LNPEP: variants seen among roughly 807,000 people sequenced by gnomAD.
LNPEP encodes the protein leucyl and cystinyl aminopeptidase.
In LNPEP, 64 loss-of-function variants were observed where a neutral mutation model predicts 120.6. The observed-to-expected ratio is 0.53, with a 90% CI of 0.43 to 0.65. The LOEUF (loss-of-function observed/expected upper bound fraction) is 0.65. Among genes scored for constraint, LNPEP ranks in the 30% least tolerant of loss-of-function variants. LNPEP has a pLI of 0.00. For missense variants in LNPEP, 1,057 were observed against 1,200.0 expected, an observed-to-expected ratio of 0.88 and a Z score of 1.76; for synonymous variants, 435 against 425.4, an observed-to-expected ratio of 1.02 and a Z score of -0.28.
intron 1 of LNPEP, among the ~76,000 whole-genome samples, chr5:96,976,553 A>AAT (rs1790000639): frequency 6.6e-6 from 1 of 152,144 alleles, no homozygotes; most frequent in Non-Finnish European, 1.5e-5. Context: ...GAGAGATTGG[A>AAT]ATGCTCTAAA....
intron 1 of LNPEP, among the ~76,000 whole-genome samples, chr5:96,940,543 G>A (rs1789026894): frequency 6.6e-6 from 1 of 151,882 alleles, no homozygotes; most frequent in Admixed American, 6.6e-5. Context: ...TATGAAATAT[G>A]GAAACACAGA....
Position 97,029,814 on chromosome 5 carries a change from G to A in LNPEP, c.*1281G>A, listed in dbSNP as rs182826867. 35 of 152,244 alleles carry A rather than the reference G, an allele frequency of 2.3e-4. No homozygotes were observed. The highest frequency in any genetic ancestry group is 3.4e-3 in the Middle Eastern group (1 of 294). The allele number at this position is 152,244 out of a possible 1,614,324, so 9.4% of individuals were successfully genotyped here. On this transcript the variant is annotated 3_prime_UTR_variant, in exon 18 of 18. Coordinates refer to ENST00000231368, the MANE Select transcript of LNPEP (RefSeq NM_005575.3). ...AGAAGAAAAATGAGGGAGGATGTCC[G>A]AAACTGTATGGCATTTTACTCCTTC...
At chr5:96,982,500 T>C (rs1024434060) in intron 2 of LNPEP, among the ~76,000 whole-genome samples, 4 of 152,200 alleles carry the variant, frequency 2.6e-5, no homozygotes, top group African/African-American at 7.2e-5. Context: ...TTAACAACAG[T>C]TTAAGGCTTT....
At chr5:96,949,867 T>G (rs933348636) in intron 1 of LNPEP, among the ~76,000 whole-genome samples, 32 of 151,796 alleles carry the variant, frequency 2.1e-4, no homozygotes, top group South Asian at 4.1e-4. Flanking sequence ...TTAACAGTTT[T>G]GTTTGGACTC....
At chr5:97,027,243 C>G (rs868054589) in intron 16 of LNPEP, among the ~76,000 whole-genome samples, 1 of 151,790 alleles carries the variant, frequency 6.6e-6, no homozygotes, top group Non-Finnish European at 1.5e-5. Flanking sequence ...GTCCCAGCTA[C>G]TTGGGAGGCT....
At chr5:96,936,196 C>G in intron 1 of LNPEP, 22 bp downstream of exon 1, 1 of 1,433,052 alleles carries the variant, frequency 7.0e-7, no homozygotes, top group South Asian at 1.4e-5. Flanking sequence ...GCCGAGGCGC[C>G]GGGACCCGGG....
At chr5:96,972,413 A>G (rs1789888625) in intron 1 of LNPEP, among the ~76,000 whole-genome samples, 1 of 151,964 alleles carries the variant, frequency 6.6e-6, no homozygotes, top group African/African-American at 2.4e-5. Flanking sequence ...ACCTGCCACT[A>G]CTTCCCTGCA....
rs115637751 is a variant in LNPEP at position 96,975,189 on chromosome 5, A to G, written c.20-3949A>G. Among the ~76,000 whole-genome samples the G allele has an allele frequency of 7.4e-3, 1,129 of 152,298 alleles. 4 individuals carry two copies. Among genetic ancestry groups the G allele is most frequent in the Non-Finnish European group, 0.012 (817 of 68,010 alleles). On this transcript the variant is annotated intron_variant, in intron 1 of 17. Coordinates refer to ENST00000231368, the MANE Select transcript of LNPEP (RefSeq NM_005575.3). ...AGGATTTTAACGTCTACCTAAAATC[A>G]GGCCTTTAACTCTATTAATCAAACA...
At chr5:96,973,572 T>C (rs1274259997) in intron 1 of LNPEP, among the ~76,000 whole-genome samples, 1 of 152,144 alleles carries the variant, frequency 6.6e-6, no homozygotes, top group African/African-American at 2.4e-5. Context: ...TTATATAGCA[T>C]TTACAATGGA....
intron 1 of LNPEP, among the ~76,000 whole-genome samples, chr5:96,961,173 T>G (rs932691069): frequency 3.3e-5 from 5 of 152,050 alleles, no homozygotes. Context: ...GGATTCACCT[T>G]TCAAAAACAA....
intron 2 of LNPEP, among the ~76,000 whole-genome samples, chr5:96,982,045 T>G (rs1158969862): frequency 6.6e-6 from 1 of 152,182 alleles, no homozygotes; most frequent in African/African-American, 2.4e-5. Flanking sequence ...CTTACGTGTT[T>G]AGTCTTTTAT....
chr5:96,966,852 C>T (rs1383557177), intron 1 of LNPEP, among the ~76,000 whole-genome samples: 1 of 152,072 alleles, frequency 6.6e-6, no homozygotes, highest in South Asian at 2.1e-4. Context: ...CTTTAAGATT[C>T]ATTAGCATAA....
At chr5:96,944,473 C>T (rs1295119169) in intron 1 of LNPEP, among the ~76,000 whole-genome samples, 1 of 149,096 alleles carries the variant, frequency 6.7e-6, no homozygotes, top group African/African-American at 2.5e-5. Context: ...TTGGCTCAGT[C>T]TGGAAAGGGG....
intron 11 of LNPEP, chr5:97,010,888 C>G: frequency 4.1e-6 from 4 of 985,212 alleles, no homozygotes; most frequent in Non-Finnish European, 4.8e-6. Context: ...CATTCTGGAT[C>G]ATTCAGAAGA....
Position 97,003,498 on chromosome 5 carries a change from C to G in LNPEP, c.1737C>G (p.His579Gln). 1 of 1,604,478 alleles carries G rather than the reference C, an allele frequency of 6.2e-7. No individual in the cohort carries two copies. Among genetic ancestry groups the G allele is most frequent in the Non-Finnish European group, 8.5e-7 (1 of 1,172,620 alleles). The change falls in exon 9 of 18, where the codon CAC (histidine) becomes CAG (glutamine). Residue 579 changes from histidine (H) to glutamine (Q), a missense_variant. Physicochemically the swap from His to Gln is conservative, Grantham distance 24 (BLOSUM62 0). Coordinates refer to ENST00000231368, the MANE Select transcript of LNPEP (RefSeq NM_005575.3). ...QHAVVLYLHNHSYASIQSDDL... is the reference protein window; with the variant it reads ...QHAVVLYLHNQSYASIQSDDL... ...CTGTTGTCCTTTACCTGCATAATCA[C>G]AGCTATGCATCTATTCAAAGTGATG... is the stretch of plus-strand genomic sequence containing the variant.
At chr5:96,999,510 A>G (rs1160671344) in intron 8 of LNPEP, among the ~76,000 whole-genome samples, 1 of 152,236 alleles carries the variant, frequency 6.6e-6, no homozygotes, top group Non-Finnish European at 1.5e-5. Flanking sequence ...TATTCCAATT[A>G]GAGCTACTGG....
chr5:96,995,812 A>G (rs147304547), intron 6 of LNPEP, among the ~76,000 whole-genome samples: 1 of 152,310 alleles, frequency 6.6e-6, no homozygotes, highest in African/African-American at 2.4e-5. Context: ...GTAAGCCACG[A>G]TGCCCAGCCT....
rs371928156 is a variant in LNPEP, at chr5:96,998,084, C to T, written c.1592C>T (p.Ser531Leu). Residue 531 changes from serine to leucine, a missense_variant, in exon 8 of 18, where the codon TCA becomes TTA. By Grantham distance (145) the Ser-to-Leu change is moderately radical (BLOSUM62 -2). Coordinates refer to ENST00000231368, the MANE Select transcript of LNPEP (RefSeq NM_005575.3). ...TCCTTAAATTCATCTCATCCAATAT[C>T]ATCATCTGTTCAGTCTTCAGAACAA... ...KDSLNSSHPISSSVQSSEQIE... is the reference protein window; with the variant it reads ...KDSLNSSHPILSSVQSSEQIE... 6.3e-7 allele frequency: 1 copy of T among 1,586,602 alleles called. No homozygotes were observed. The highest frequency in any genetic ancestry group is 1.1e-5 in the South Asian group (1 of 89,350).
chr5:96,982,171 GA>G (rs1790143157), intron 2 of LNPEP, among the ~76,000 whole-genome samples: 4 of 152,110 alleles, frequency 2.6e-5, no homozygotes, highest in Admixed American at 2.6e-4. Flanking sequence ...AGCAGAGGGA[GA>G]ACTCAAACTC....
Sources: allele counts gnomAD v4.1 joint callset (sites outside exome capture counted in the v4.1 genomes callset), GRCh38; gene constraint gnomAD v4.1.1; transcripts MANE v1.5; gene names NCBI Gene and HGNC (gene_info 2026-07-23, HGNC 2026-07-21).